Variants in ARL15 observed in about 807,000 individuals in gnomAD.
The protein encoded by ARL15 is ADP-ribosylation factor-like protein 15.
Under a neutral mutation model 25.2 loss-of-function variants are expected in ARL15, and 19 were observed. The observed-to-expected ratio is 0.75, with a 90% confidence interval of 0.53 to 1.10. The LOEUF is 1.10. Ranked by LOEUF, ARL15 falls within the 50% of genes least tolerant of loss-of-function variation. ARL15 has a pLI of 0.00. For synonymous variants in ARL15, 94 were observed against 86.8 expected (o/e 1.08, Z -0.46); for missense variants, 220 against 246.0 (o/e 0.89, Z 0.71).
intron 1 of ARL15, among the ~76,000 whole-genome samples, chr5:54,271,601 G>T (rs895464685): frequency 2.6e-5 from 4 of 152,048 alleles, no homozygotes; most frequent in African/African-American, 9.7e-5. Context: ...GGAATCTACT[G>T]ACCATATATA....
At chr5:54,051,496 G>GT (rs2111988810) in intron 4 of ARL15, among the ~76,000 whole-genome samples, 1 of 152,270 alleles carries the variant, frequency 6.6e-6, no homozygotes, top group Non-Finnish European at 1.5e-5. Flanking sequence ...AAAATAAATA[G>GT]TAAGTATCTT....
chr5:54,064,492 T>C (rs1751158995), intron 4 of ARL15, among the ~76,000 whole-genome samples: 1 of 152,168 alleles, frequency 6.6e-6, no homozygotes. Flanking sequence ...GTAAAAGTAA[T>C]TGAATTGTGC....
chr5:54,258,125 G>A (rs1248887044), intron 1 of ARL15, among the ~76,000 whole-genome samples: 1 of 149,162 alleles, frequency 6.7e-6, no homozygotes, highest in African/African-American at 2.5e-5. Flanking sequence ...GAGTCCAGGA[G>A]TTTGAGACGA....
chr5:54,218,312 T>C (rs1756273638), intron 1 of ARL15, among the ~76,000 whole-genome samples: 1 of 152,182 alleles, frequency 6.6e-6, no homozygotes, highest in South Asian at 2.1e-4. Flanking sequence ...CAATGAATAC[T>C]TCCTAGTAAC....
chr5:54,068,099 G>T (rs187117126), intron 4 of ARL15, among the ~76,000 whole-genome samples: 16 of 152,280 alleles, frequency 1.1e-4, no homozygotes, highest in Non-Finnish European at 4.4e-5. Flanking sequence ...ATGGTTCCAA[G>T]AACTTGCCTA....
intron 4 of ARL15, among the ~76,000 whole-genome samples, chr5:53,917,792 T>A (rs932320631): frequency 6.6e-6 from 1 of 152,170 alleles, no homozygotes; most frequent in Non-Finnish European, 1.5e-5. Context: ...CCCTCATCTA[T>A]CAAACTCCTT....
chr5:54,015,894 T>C (rs1230932989), intron 4 of ARL15, among the ~76,000 whole-genome samples: 1 of 152,226 alleles, frequency 6.6e-6, no homozygotes, highest in Non-Finnish European at 1.5e-5. Flanking sequence ...AAAGTAACTG[T>C]ATCAGGAAGA....
intron 1 of ARL15, among the ~76,000 whole-genome samples, chr5:54,237,448 ATTATC>A (rs1486306646): frequency 1.3e-5 from 2 of 152,242 alleles, no homozygotes; most frequent in Non-Finnish European, 2.9e-5. Flanking sequence ...ACATTATACA[ATTATC>A]TTAATAGAAA....
chr5:54,212,702 G>T (rs1331732352), intron 1 of ARL15, among the ~76,000 whole-genome samples: 2 of 152,186 alleles, frequency 1.3e-5, no homozygotes, highest in Admixed American at 1.3e-4. Flanking sequence ...TCTGCTCAAA[G>T]AAAATATGCT....
Position 54,135,591 on chromosome 5 carries a change from G to C in ARL15, c.253+18989C>G, listed in dbSNP as rs565752714. Among the ~76,000 whole-genome samples the C allele has an allele frequency of 1.8e-3, 272 of 152,298 alleles. 2 individuals carry two copies. The highest frequency in any genetic ancestry group is 7.7e-3 in the South Asian group (37 of 4,818). ...CTAAGATTATTTTAACAAAGAAACAGAGAGTTGCATTTTAGTAAATTATAA... is the reference window on the plus strand; with the variant it reads ...CTAAGATTATTTTAACAAAGAAACACAGAGTTGCATTTTAGTAAATTATAA... On this transcript the variant is annotated intron_variant, in intron 3 of 4. Transcript: ENST00000504924.
intron 4 of ARL15, among the ~76,000 whole-genome samples, chr5:53,984,263 G>A (rs1456110738): frequency 6.6e-6 from 1 of 151,996 alleles, no homozygotes; most frequent in African/African-American, 2.4e-5. Flanking sequence ...ACTCTCTCCA[G>A]CTGTTCCACA....
chr5:54,190,922 GA>G (rs1158876905), intron 1 of ARL15, among the ~76,000 whole-genome samples: 7 of 152,200 alleles, frequency 4.6e-5, no homozygotes, highest in African/African-American at 1.7e-4. Flanking sequence ...ATTAAAAATA[GA>G]ATTATCATCT....
At chr5:53,910,627 A>AG (rs1745417865) in intron 4 of ARL15, among the ~76,000 whole-genome samples, 1 of 103,700 alleles carries the variant, frequency 9.6e-6, no homozygotes, top group South Asian at 3.3e-4. Context: ...GTATAATAAA[A>AG]AAAAATTATA....
intron 4 of ARL15, among the ~76,000 whole-genome samples, chr5:53,962,535 A>C (rs1487950373): frequency 6.6e-6 from 1 of 152,124 alleles, no homozygotes. Context: ...AGTAAGTTTC[A>C]TTTCGAAATC....
intron 4 of ARL15, among the ~76,000 whole-genome samples, chr5:54,083,192 G>C (rs755963879): frequency 1.3e-5 from 2 of 152,164 alleles, no homozygotes; most frequent in Non-Finnish European, 2.9e-5. Context: ...TCAAAGAATT[G>C]TATTTCATGA....
At chr5:54,114,259 G>A (rs1009353427) in intron 3 of ARL15, among the ~76,000 whole-genome samples, 3 of 151,572 alleles carry the variant, frequency 2.0e-5, no homozygotes, top group African/African-American at 7.3e-5. Flanking sequence ...TTAGCCGGGC[G>A]TGGCGGCGGG....
rs990849810 is a variant in ARL15 at position 54,003,823 on chromosome 5, T to G, written c.462+109379A>C. On this transcript the variant is annotated intron_variant, in intron 4 of 4. Transcript: ENST00000504924. ...CCAAAAAATACAGCTAATGGGCATA[T>G]TTCATTAGAAACAAAAGAAACATAA... 6.2e-4 allele frequency among the ~76,000 whole-genome samples: 95 copies of G among 152,156 alleles called. 1 individual carries two copies. Among genetic ancestry groups the G allele is most frequent in the Non-Finnish European group, 1.5e-4 (10 of 68,024 alleles).
intron 4 of ARL15, among the ~76,000 whole-genome samples, chr5:54,091,006 C>T (rs1392146828): frequency 6.6e-6 from 1 of 152,094 alleles, no homozygotes; most frequent in Non-Finnish European, 1.5e-5. Flanking sequence ...AAGAGTTTCT[C>T]CAGATTAAAT....
chr5:54,064,286 A>G (rs1392715658), intron 4 of ARL15, among the ~76,000 whole-genome samples: 1 of 152,208 alleles, frequency 6.6e-6, no homozygotes, highest in East Asian at 1.9e-4. Flanking sequence ...GAAAGGATGC[A>G]AAGGACAAGA....
Sources: gnomAD v4.1 joint callset for allele counts (sites outside exome capture counted in the v4.1 genomes callset) on GRCh38, gnomAD v4.1.1 for gene constraint, MANE v1.5 for transcripts, NCBI Gene and HGNC (gene_info 2026-07-23, HGNC 2026-07-21) for gene names.